Variants in RBM20 observed in about 807,000 individuals in gnomAD.
The protein encoded by RBM20 is RNA-binding protein 20.
RBM20 carries 51 observed loss-of-function variants against 110.1 expected under a neutral mutation model. The observed-to-expected ratio is 0.46, with a 90% confidence interval of 0.37 to 0.59. RBM20 has a LOEUF of 0.59. Among genes scored for constraint, RBM20 ranks in the 20% least tolerant of loss-of-function variants. The pLI is 0.00. For synonymous variants in RBM20, 589 were observed against 618.2 expected (o/e 0.95, Z 0.70); for missense variants, 1,512 against 1,574.9 (o/e 0.96, Z 0.68).
intron 12 of RBM20, among the ~76,000 whole-genome samples, chr10:110,829,839 C>A (rs565060673): frequency 6.6e-6 from 1 of 152,260 alleles, no homozygotes; most frequent in Non-Finnish European, 1.5e-5. Flanking sequence ...TGTGCCATTC[C>A]CAGGCCCCTT....
chr10:110,798,836 A>G (rs572379294), intron 6 of RBM20, among the ~76,000 whole-genome samples: 64 of 152,332 alleles, frequency 4.2e-4, no homozygotes, highest in African/African-American at 1.5e-3. Context: ...AGGAATCAGG[A>G]TCAGTATATT....
At chr10:110,733,095 G>A (rs920697301) in intron 1 of RBM20, among the ~76,000 whole-genome samples, 24 of 152,152 alleles carry the variant, frequency 1.6e-4, no homozygotes, top group Non-Finnish European at 2.6e-4. Context: ...CGTCACCACC[G>A]TATTGCAGAA....
Position 110,698,422 on chromosome 10 carries a change from G to T in RBM20, c.191+53777G>T, listed in dbSNP as rs1026286584. The stretch of plus-strand genomic sequence containing the variant: ...AAGGAGAGCACCAGGAGTTGCCCTC[G>T]CTGGCAGGAGCCTGGCAGGAACCCT... On this transcript the variant is annotated intron_variant, in intron 1 of 13. Coordinates refer to ENST00000369519, the MANE Select transcript of RBM20 (RefSeq NM_001134363.3). Among the ~76,000 whole-genome samples, 4 of 152,192 alleles carry T rather than the reference G, an allele frequency of 2.6e-5. No individual in the cohort carries two copies. The East Asian group carries it at 7.7e-4, about 29-fold the overall frequency.
intron 11 of RBM20, 119 bp downstream of exon 11, chr10:110,822,054 TG>T: frequency 2.9e-6 from 3 of 1,025,642 alleles, no homozygotes; most frequent in Non-Finnish European, 4.4e-6. Flanking sequence ...AGCATTAAAG[TG>T]GGTGCAGAAA....
At chr10:110,736,516 T>A (rs1053486929) in intron 1 of RBM20, among the ~76,000 whole-genome samples, 3 of 152,182 alleles carry the variant, frequency 2.0e-5, no homozygotes, top group African/African-American at 7.2e-5. Context: ...AAAATTTAAA[T>A]ATTTACCTTC....
chr10:110,664,025 A>G lies in RBM20; in HGVS notation c.191+19380A>G, dbSNP rs532327905. ...TTAAATGAAAATCCTGTAATTCTAA[A>G]TTTGAATTGGAAATATTAGTAAGAA... On this transcript the variant is annotated intron_variant, in intron 1 of 13. Coordinates refer to ENST00000369519, the MANE Select transcript of RBM20 (RefSeq NM_001134363.3). 5.9e-5 allele frequency among the ~76,000 whole-genome samples: 9 copies of G among 152,328 alleles called. 1 individual carries two copies. Among genetic ancestry groups the G allele is most frequent in the African/African-American group, 2.2e-4 (9 of 41,578 alleles).
chr10:110,748,432 A>T (rs1168704631), intron 1 of RBM20, among the ~76,000 whole-genome samples: 2 of 152,032 alleles, frequency 1.3e-5, no homozygotes, highest in African/African-American at 2.4e-5. Context: ...ATGACCAGAG[A>T]GTGATATGGG....
At chr10:110,667,934 C>T (rs1039731035) in intron 1 of RBM20, among the ~76,000 whole-genome samples, 1 of 152,056 alleles carries the variant, frequency 6.6e-6, no homozygotes, top group African/African-American at 2.4e-5. Flanking sequence ...CAGAGGGAGC[C>T]CTGATTTACG....
chr10:110,784,321 C>T lies in RBM20; in HGVS notation c.1338-20C>T, dbSNP rs777211196. On this transcript the variant is annotated intron_variant, in intron 3 of 13. Coordinates refer to ENST00000369519, the MANE Select transcript of RBM20 (RefSeq NM_001134363.3). ...GTTTAACTTATTAAGGAGCCGGTTT[C>T]CCTTTCTCGCCCTCTCCAGTGCTGG... The T allele has an allele frequency of 2.3e-5, 35 of 1,528,144 alleles. No individual in the cohort carries two copies. Among genetic ancestry groups the T allele is most frequent in the African/African-American group, 2.8e-5 (2 of 72,500 alleles). 94.7% of individuals were successfully genotyped at this position (1,528,144 alleles called of 1,614,324 possible).
intron 1 of RBM20, among the ~76,000 whole-genome samples, chr10:110,761,460 G>A (rs148679690): frequency 2.7e-5 from 4 of 147,904 alleles, no homozygotes; most frequent in African/African-American, 1.0e-4. Flanking sequence ...CTTTTTAATG[G>A]CAGCATAGTA....
chr10:110,838,496 G>T lies in RBM20; in HGVS notation c.*2518G>T, dbSNP rs561940719. ...CCTACTGAAGGGAATTGTGGGGGCAGTTCTTTGGCCTTCTTGCTGAACTTT... is the reference window on the plus strand; with the variant it reads ...CCTACTGAAGGGAATTGTGGGGGCATTTCTTTGGCCTTCTTGCTGAACTTT... On this transcript the variant is annotated 3_prime_UTR_variant, in exon 14 of 14. Coordinates refer to ENST00000369519, the MANE Select transcript of RBM20 (RefSeq NM_001134363.3). The T allele has an allele frequency of 6.6e-6, 1 of 152,332 alleles. No individual in the cohort carries two copies. Among genetic ancestry groups the T allele is most frequent in the South Asian group, 2.1e-4 (1 of 4,826 alleles). 9.4% of individuals were successfully genotyped at this position (152,332 alleles called of 1,614,324 possible).
In RBM20 at chr10:110,812,678, C is replaced by A. The variant is rs781256531; in HGVS notation, c.2281C>A (p.Arg761=). 6.4e-7 allele frequency: 1 copy of A among 1,551,696 alleles called. No individual in the cohort carries two copies. Among genetic ancestry groups the A allele is most frequent in the Non-Finnish European group, 8.7e-7 (1 of 1,146,998 alleles). ...CAAAAGCCGTGAAGACGGCTACTAC[C>A]GGAAAGAGCCCAAAGCCAAGTCGGA... ...SYKSREDGYY[R]KEPKAKSDKY... The change falls in exon 9 of 14, where the codon CGG becomes AGG. Residue 761 remains arginine (R), a synonymous_variant. Coordinates refer to ENST00000369519, the MANE Select transcript of RBM20 (RefSeq NM_001134363.3).
intron 2 of RBM20, 47 bp from the exon 3 acceptor site, chr10:110,783,319 C>A: frequency 1.4e-6 from 2 of 1,458,114 alleles, no homozygotes; most frequent in Non-Finnish European, 1.9e-6. Flanking sequence ...TTTGCCTTCC[C>A]ATGGACTCAG....
chr10:110,660,888 A>T (rs1045337115), intron 1 of RBM20, among the ~76,000 whole-genome samples: 1 of 152,160 alleles, frequency 6.6e-6, no homozygotes, highest in South Asian at 2.1e-4. Flanking sequence ...TCTTCCAAAA[A>T]ACTGGTCCCT....
In RBM20 at chr10:110,781,530, G is replaced by A; in HGVS notation, c.921G>A (p.Glu307=). The change falls in exon 2 of 14, where the codon GAG becomes GAA. Residue 307 remains glutamate (E), a synonymous_variant. Transcript: ENST00000369519. ...AGCAGGCTGGGGGCCTGAAAAGTGA[G>A]GTCGGGCCACTGCTGCAGGGCACAA... ...PAEQAGGLKS[E]VGPLLQGTNS... 6.4e-7 allele frequency: 1 copy of A among 1,551,676 alleles called. No individual in the cohort carries two copies. Among genetic ancestry groups the A allele is most frequent in the Non-Finnish European group, 8.7e-7 (1 of 1,147,004 alleles).
At chr10:110,684,037 A>G (rs1347983527) in intron 1 of RBM20, among the ~76,000 whole-genome samples, 1 of 152,226 alleles carries the variant, frequency 6.6e-6, no homozygotes, top group Non-Finnish European at 1.5e-5. Flanking sequence ...AAATTCATTC[A>G]GCTCTTAAAG....
intron 1 of RBM20, among the ~76,000 whole-genome samples, chr10:110,719,391 A>C (rs1204796995): frequency 2.0e-5 from 3 of 152,208 alleles, no homozygotes; most frequent in Non-Finnish European, 4.4e-5. Context: ...CATTGATTTC[A>C]CTTTCTAAAC....
At chr10:110,807,640 C>T (rs1387434659) in intron 7 of RBM20, among the ~76,000 whole-genome samples, 1 of 152,246 alleles carries the variant, frequency 6.6e-6, no homozygotes, top group Non-Finnish European at 1.5e-5. Flanking sequence ...CATGGGTAAT[C>T]TGCAAAACCT....
chr10:110,801,920 G>C (rs1347138680), intron 7 of RBM20, among the ~76,000 whole-genome samples: 2 of 152,068 alleles, frequency 1.3e-5, no homozygotes, highest in Non-Finnish European at 2.9e-5. Flanking sequence ...TTTGTTGGCT[G>C]TTCCATCTGG....
Sources: allele counts gnomAD v4.1 joint callset (sites outside exome capture counted in the v4.1 genomes callset), GRCh38; gene constraint gnomAD v4.1.1; transcripts MANE v1.5; gene names NCBI Gene and HGNC (gene_info 2026-07-23, HGNC 2026-07-21).